ERC2: variants seen among roughly 807,000 people sequenced by gnomAD.
ERC2 encodes the protein ERC protein 2.
In ERC2, 42 loss-of-function variants were observed where a neutral mutation model predicts 114.8. That is an observed-to-expected ratio of 0.37 (90% CI 0.29 to 0.47). The LOEUF is 0.47. Ranked by LOEUF, ERC2 falls within the 20% of genes least tolerant of loss-of-function variation. The pLI is 0.99. For synonymous variants in ERC2, 454 were observed against 425.5 expected, an observed-to-expected ratio of 1.07 and a Z score of -0.82; for missense variants, 939 against 1,150.7, an observed-to-expected ratio of 0.82 and a Z score of 2.66.
intron 17 of ERC2, among the ~76,000 whole-genome samples, chr3:55,577,890 A>G (rs748563654): frequency 3.3e-5 from 5 of 152,226 alleles, no homozygotes; most frequent in African/African-American, 4.8e-5. Context: ...GAGTTGGGGT[A>G]GAAAATTGAG....
chr3:55,589,104 T>G (rs574381848), intron 17 of ERC2, among the ~76,000 whole-genome samples: 1 of 151,324 alleles, frequency 6.6e-6, no homozygotes, highest in East Asian at 2.0e-4. Context: ...TAAGGCTGGA[T>G]GCAGTGGCTC....
At chr3:56,060,132 T>G (rs1254201313) in intron 7 of ERC2, among the ~76,000 whole-genome samples, 2 of 152,240 alleles carry the variant, frequency 1.3e-5, no homozygotes, top group African/African-American at 4.8e-5. Flanking sequence ...ATGAGTTCTA[T>G]CTCTACTACA....
chr3:55,938,185 C>G (rs1156432526), intron 13 of ERC2, among the ~76,000 whole-genome samples: 2 of 150,356 alleles, frequency 1.3e-5, no homozygotes, highest in African/African-American at 2.5e-5. Flanking sequence ...CAACATGATG[C>G]CTGTGGAATG....
At chr3:55,924,567 A>G (rs1011146327) in intron 13 of ERC2, among the ~76,000 whole-genome samples, 1 of 151,920 alleles carries the variant, frequency 6.6e-6, no homozygotes, top group African/African-American at 2.4e-5. Flanking sequence ...CTCCGCAAAA[A>G]TCCTGTGGAC....
At chr3:55,612,737 G>GT (rs2058960367) in intron 17 of ERC2, 1 of 152,096 alleles carries the variant, frequency 6.6e-6, no homozygotes, top group Non-Finnish European at 1.5e-5. Context: ...GTCATCCATG[G>GT]TAAGTGTAAA....
intron 6 of ERC2, among the ~76,000 whole-genome samples, chr3:56,083,071 TAA>T (rs2077320440): frequency 6.6e-6 from 1 of 152,170 alleles, no homozygotes; most frequent in Non-Finnish European, 1.5e-5. Context: ...ATAGAAAGTG[TAA>T]AAGACATGTC....
chr3:56,118,470 C>T (rs942511239), intron 6 of ERC2, among the ~76,000 whole-genome samples: 1 of 152,018 alleles, frequency 6.6e-6, no homozygotes, highest in African/African-American at 2.4e-5. Context: ...AAGGAAACAG[C>T]AAGAAAGAAG....
chr3:55,984,817 T>C (rs1376660181), intron 12 of ERC2, among the ~76,000 whole-genome samples: 3 of 152,018 alleles, frequency 2.0e-5, no homozygotes, highest in African/African-American at 4.8e-5. Flanking sequence ...TATGTGAGAG[T>C]GGCAGAGAAG....
intron 14 of ERC2, among the ~76,000 whole-genome samples, chr3:55,845,804 A>G (rs540514997): frequency 1.3e-5 from 2 of 152,376 alleles, no homozygotes; most frequent in African/African-American, 4.8e-5. Context: ...CAGGAGACCA[A>G]CTAAATTTTT....
intron 7 of ERC2, among the ~76,000 whole-genome samples, chr3:56,042,453 C>G (rs1036394373): frequency 1.3e-5 from 2 of 152,134 alleles, no homozygotes; most frequent in Admixed American, 6.5e-5. Context: ...ACAAAGTGAA[C>G]CAGCCGTTTA....
intron 3 of ERC2, among the ~76,000 whole-genome samples, chr3:56,185,902 A>C (rs1207085038): frequency 2.0e-5 from 3 of 151,928 alleles, no homozygotes; most frequent in African/African-American, 7.3e-5. Flanking sequence ...TGTCAGAGAG[A>C]TTCTCAGTGT....
chr3:55,785,447 T>A (rs1311193974), intron 14 of ERC2, among the ~76,000 whole-genome samples: 2 of 152,244 alleles, frequency 1.3e-5, no homozygotes, highest in Non-Finnish European at 2.9e-5. Flanking sequence ...TGAGCCTGTT[T>A]CTTCTTTCTG....
intron 2 of ERC2, among the ~76,000 whole-genome samples, chr3:56,395,068 TTTATA>T (rs2060258527): frequency 6.6e-6 from 1 of 150,886 alleles, no homozygotes; most frequent in Non-Finnish European, 1.5e-5. Context: ...TGCAAAAAAA[TTTATA>T]TTATATACTC....
chr3:55,711,586 A>T (rs2063780832), intron 15 of ERC2, among the ~76,000 whole-genome samples: 1 of 152,162 alleles, frequency 6.6e-6, no homozygotes, highest in African/African-American at 2.4e-5. Context: ...TCAAATAGAG[A>T]CTCCAAAAGG....
At chr3:55,869,969 C>G (rs1372962835) in intron 14 of ERC2, among the ~76,000 whole-genome samples, 3 of 152,020 alleles carry the variant, frequency 2.0e-5, no homozygotes, top group Non-Finnish European at 4.4e-5. Context: ...CCTAAACACT[C>G]AAGGGTTGTG....
chr3:55,998,236 CTCTT>C (rs1227306686), intron 10 of ERC2, among the ~76,000 whole-genome samples: 1 of 152,110 alleles, frequency 6.6e-6, no homozygotes, highest in African/African-American at 2.4e-5. Flanking sequence ...ATGTCTCTCT[CTCTT>C]TCTCTCTCTC....
chr3:56,144,652 T>C (rs1232470288), intron 5 of ERC2, among the ~76,000 whole-genome samples: 1 of 152,210 alleles, frequency 6.6e-6, no homozygotes, highest in Non-Finnish European at 1.5e-5. Flanking sequence ...AGGAAGGGCA[T>C]GGCAGGGTCT....
At chr3:56,318,118 T>C (rs536444913) in intron 2 of ERC2, among the ~76,000 whole-genome samples, 113 of 152,318 alleles carry the variant, frequency 7.4e-4, no homozygotes, top group African/African-American at 2.6e-3. Flanking sequence ...ATATAAATGA[T>C]CAGTACAAAA....
chr3:55,820,548 C>T (rs1012686876), intron 14 of ERC2, among the ~76,000 whole-genome samples: 8 of 152,234 alleles, frequency 5.3e-5, no homozygotes, highest in East Asian at 1.9e-4. Flanking sequence ...ATTCTGAAAG[C>T]GTGTGTGTAT....
Sources: allele counts gnomAD v4.1 joint callset (sites outside exome capture counted in the v4.1 genomes callset), GRCh38; gene constraint gnomAD v4.1.1; transcripts MANE v1.5; gene names NCBI Gene and HGNC (gene_info 2026-07-23, HGNC 2026-07-21).